Variants in FOXN3 observed in about 807,000 individuals in gnomAD.
FOXN3 encodes forkhead box N3.
Under a neutral mutation model 38.4 loss-of-function variants are expected in FOXN3, and 7 were observed. That is an observed-to-expected ratio of 0.18 (90% CI 0.10 to 0.34). The LOEUF (loss-of-function observed/expected upper bound fraction) is 0.34, where lower values mean the gene tolerates loss of function less well. Among genes scored for constraint, FOXN3 ranks in the 10% least tolerant of loss-of-function variants. The pLI, the probability that FOXN3 is intolerant of heterozygous loss-of-function variation, is 1.00. For synonymous variants in FOXN3, 230 were observed against 242.2 expected, an observed-to-expected ratio of 0.95 and a Z score of 0.47; for missense variants, 456 against 613.4, an observed-to-expected ratio of 0.74 and a Z score of 2.71.
intron 3 of FOXN3, among the ~76,000 whole-genome samples, chr14:89,302,198 A>C (rs994066621): frequency 9.9e-5 from 15 of 152,236 alleles, no homozygotes; most frequent in African/African-American, 3.1e-4. Context: ...AGAAACATCT[A>C]TTCCTCTCCT....
rs187361047 is a variant in FOXN3, at chr14:89,403,853, G to C, written c.543+8081C>G. Among the ~76,000 whole-genome samples the C allele has an allele frequency of 5.9e-5, 9 of 152,304 alleles. No homozygotes were observed. In the East Asian group the frequency reaches 1.7e-3, roughly 29 times the overall value. Reference sequence around the variant, plus strand: ...GGCATCTTCCTGGCCAAGTCACTGTGAGGAGTAGAAAGGTAGTGTATCCAT... The same window carrying C: ...GGCATCTTCCTGGCCAAGTCACTGTCAGGAGTAGAAAGGTAGTGTATCCAT... On this transcript the variant is annotated intron_variant, in intron 2 of 5. Transcript: ENST00000557258.
chr14:89,513,875 ATC>A (rs920438831), intron 1 of FOXN3, among the ~76,000 whole-genome samples: 3 of 151,196 alleles, frequency 2.0e-5, no homozygotes, highest in Admixed American at 6.6e-5. Flanking sequence ...CCAATTCTAA[ATC>A]TCTCTCTCTT....
chr14:89,379,773 G>A (rs1890586331), intron 2 of FOXN3, among the ~76,000 whole-genome samples: 1 of 151,840 alleles, frequency 6.6e-6, no homozygotes, highest in Non-Finnish European at 1.5e-5. Flanking sequence ...GGATTCTCCT[G>A]CCTCAGCCTC....
chr14:89,362,935 A>G (rs986395801), intron 2 of FOXN3, among the ~76,000 whole-genome samples: 1 of 152,142 alleles, frequency 6.6e-6, no homozygotes, highest in African/African-American at 2.4e-5. Context: ...CACCGCTTGT[A>G]AAGAGCTAAC....
At chr14:89,314,839 TTC>T (rs1213043010) in intron 3 of FOXN3, among the ~76,000 whole-genome samples, 14 of 152,102 alleles carry the variant, frequency 9.2e-5, no homozygotes, top group African/African-American at 3.1e-4. Flanking sequence ...ACCGAGAACC[TTC>T]AAAAATCCCA....
chr14:89,211,005 A>G (rs1290075549), intron 4 of FOXN3, among the ~76,000 whole-genome samples: 1 of 152,234 alleles, frequency 6.6e-6, no homozygotes, highest in Non-Finnish European at 1.5e-5. Flanking sequence ...AAAAACCAAA[A>G]AACAAAAGAG....
In FOXN3 at chr14:89,412,517, T is replaced by G. The variant is rs760173797; in HGVS notation, c.-14-27A>C. The G allele has an allele frequency of 1.3e-6, 2 of 1,549,796 alleles. No homozygotes were observed. The highest frequency in any genetic ancestry group is 1.7e-6 in the Non-Finnish European group (2 of 1,146,344). On this transcript the variant is annotated intron_variant, in intron 1 of 5. Coordinates refer to ENST00000557258, the MANE Select transcript of FOXN3 (RefSeq NM_005197.4). This position sits in a 1 kb window ranked among gnomAD's most constrained non-coding sequence, Gnocchi z 4.7. ...TAGTAAAGACATCACAAAGAAATGA[T>G]GAGCTGGCGAGGCCCAAAACAGAAA... is the stretch of plus-strand genomic sequence containing the variant.
chr14:89,377,831 TA>T (rs1339595014), intron 2 of FOXN3, among the ~76,000 whole-genome samples: 1 of 152,198 alleles, frequency 6.6e-6, no homozygotes, highest in Non-Finnish European at 1.5e-5. Flanking sequence ...CACAGGGTCT[TA>T]AACAAGTAAT....
At chr14:89,482,341 C>A (rs1254145077) in intron 1 of FOXN3, among the ~76,000 whole-genome samples, 2 of 152,188 alleles carry the variant, frequency 1.3e-5, no homozygotes, top group East Asian at 3.9e-4. Context: ...GTGTGTGCAG[C>A]CGGGCACATT....
intron 3 of FOXN3, chr14:89,291,305 A>T: frequency 2.0e-6 from 1 of 495,246 alleles, no homozygotes; most frequent in South Asian, 1.6e-5. Context: ...AAATGCAGCC[A>T]CGCATTCTCT....
intron 3 of FOXN3, among the ~76,000 whole-genome samples, chr14:89,283,797 T>C (rs1316154507): frequency 2.6e-5 from 4 of 152,176 alleles, no homozygotes; most frequent in African/African-American, 7.2e-5. Flanking sequence ...CTGAGCATAG[T>C]AATCAACCCT....
chr14:89,326,884 A>G (rs1326185826), intron 3 of FOXN3, among the ~76,000 whole-genome samples: 1 of 152,208 alleles, frequency 6.6e-6, no homozygotes, highest in East Asian at 1.9e-4. Flanking sequence ...AACTCGGTAC[A>G]ATTCAACAAC....
At chr14:89,329,747 T>C (rs1888183363) in intron 3 of FOXN3, among the ~76,000 whole-genome samples, 1 of 148,336 alleles carries the variant, frequency 6.7e-6, no homozygotes, top group Admixed American at 6.9e-5. Context: ...TCCCAGCTAC[T>C]AGGGAGGATG....
chr14:89,177,838 G>T (rs1243125234), intron 5 of FOXN3, among the ~76,000 whole-genome samples: 1 of 152,078 alleles, frequency 6.6e-6, no homozygotes, highest in Admixed American at 6.6e-5. Flanking sequence ...CCACGCAAAG[G>T]TGAGTTTCAG....
At chr14:89,466,422 T>G (rs975196815) in intron 1 of FOXN3, among the ~76,000 whole-genome samples, 25 of 152,322 alleles carry the variant, frequency 1.6e-4, no homozygotes, top group African/African-American at 6.0e-4. Flanking sequence ...GAATATGTTT[T>G]TCGTGCCAGT....
At chr14:89,399,905 C>T (rs1027739052) in intron 2 of FOXN3, 5 of 152,196 alleles carry the variant, frequency 3.3e-5, no homozygotes, top group Admixed American at 6.5e-5. Flanking sequence ...ACTGCAAACT[C>T]GTTGCTATGG....
intron 1 of FOXN3, among the ~76,000 whole-genome samples, chr14:89,532,907 T>C (rs1055270152): frequency 1.3e-5 from 2 of 152,208 alleles, no homozygotes; most frequent in East Asian, 1.9e-4. Context: ...CCTATACATA[T>C]AGATAACAAA....
At chr14:89,427,840 A>C (rs1455163553) in intron 1 of FOXN3, among the ~76,000 whole-genome samples, 2 of 152,152 alleles carry the variant, frequency 1.3e-5, no homozygotes, top group East Asian at 3.9e-4. Flanking sequence ...TGATCACTTA[A>C]CAGGAAAAAA....
At chr14:89,285,888 A>G (rs1794134133) in intron 3 of FOXN3, among the ~76,000 whole-genome samples, 2 of 150,342 alleles carry the variant, frequency 1.3e-5, no homozygotes, top group South Asian at 2.1e-4. Flanking sequence ...TTTTTTGACA[A>G]CAGGGTCTTG....
Sources: allele counts gnomAD v4.1 joint callset (sites outside exome capture counted in the v4.1 genomes callset), GRCh38; gene constraint gnomAD v4.1.1; non-coding constraint Gnocchi (gnomAD v3.1); transcripts MANE v1.5; gene names NCBI Gene and HGNC (gene_info 2026-07-23, HGNC 2026-07-21).